Variants in CEP85L observed in about 807,000 individuals in gnomAD.
CEP85L encodes centrosomal protein 85L, also known as centrosomal protein of 85 kDa-like.
Under a neutral mutation model 100.3 loss-of-function variants are expected in CEP85L, and 60 were observed. The observed-to-expected ratio is 0.60, with a 90% CI of 0.49 to 0.74. CEP85L has a LOEUF of 0.74. Among genes scored for constraint, CEP85L ranks in the 30% least tolerant of loss-of-function variants. The pLI, the probability that CEP85L is intolerant of heterozygous loss-of-function variation, is 0.00. For synonymous variants in CEP85L, 319 were observed against 322.7 expected (o/e 0.99, Z 0.12); for missense variants, 973 against 936.2 (o/e 1.04, Z -0.51).
chr6:118,572,383 G>A lies in CEP85L; in HGVS notation c.233-6067C>T, dbSNP rs572582788. Among the ~76,000 whole-genome samples the A allele has an allele frequency of 4.4e-4, 66 of 150,528 alleles. 1 individual carries two copies. In the South Asian group the frequency reaches 0.013, roughly 29 times the overall value. On this transcript the variant is annotated intron_variant, in intron 2 of 12. Coordinates refer to ENST00000368491, the MANE Select transcript of CEP85L (RefSeq NM_001042475.3). Reference sequence around the variant, plus strand: ...ATCCTGGCCAACATCGTGAAACCCCGTCTCTACTTAGAAAAAAACAAAAAA... The same window carrying A: ...ATCCTGGCCAACATCGTGAAACCCCATCTCTACTTAGAAAAAAACAAAAAA...
intron 3 of CEP85L, among the ~76,000 whole-genome samples, chr6:118,538,912 G>A (rs1777752090): frequency 2.6e-5 from 4 of 151,126 alleles, no homozygotes; most frequent in Admixed American, 2.6e-4. Context: ...AATAAAAATG[G>A]AAAAAAAATT....
intron 1 of CEP85L, among the ~76,000 whole-genome samples, chr6:118,637,655 G>A (rs11756730): frequency 6.0e-4 from 75 of 125,014 alleles, no homozygotes; most frequent in East Asian, 3.6e-3. Context: ...GCAGTAAGCC[G>A]AGATCATGCC....
chr6:118,699,121 T>C (rs1171022707), intron 1 of CEP85L, among the ~76,000 whole-genome samples: 1 of 152,018 alleles, frequency 6.6e-6, no homozygotes, highest in Non-Finnish European at 1.5e-5. Flanking sequence ...ATTAAGTGCT[T>C]ATAAAATCAT....
intron 2 of CEP85L, among the ~76,000 whole-genome samples, chr6:118,602,731 T>A (rs1030049154): frequency 2.0e-5 from 3 of 152,210 alleles, no homozygotes; most frequent in Non-Finnish European, 2.9e-5. Flanking sequence ...ATTATTTGCA[T>A]AAAGTGCAGC....
At chr6:118,558,658 C>CAGAGAG (rs1210740872) in intron 3 of CEP85L, among the ~76,000 whole-genome samples, 7 of 124,984 alleles carry the variant, frequency 5.6e-5, no homozygotes, top group African/African-American at 1.3e-4. Flanking sequence ...CACACACACA[C>CAGAGAG]ACAGAGAGAG....
chr6:118,585,510 T>C (rs910637117), intron 2 of CEP85L, among the ~76,000 whole-genome samples: 6 of 152,020 alleles, frequency 3.9e-5, no homozygotes, highest in Non-Finnish European at 8.8e-5. Flanking sequence ...CTGGGAAGGC[T>C]CCATGAGAGA....
intron 3 of CEP85L, among the ~76,000 whole-genome samples, chr6:118,564,720 A>G (rs1249817909): frequency 6.6e-6 from 1 of 152,178 alleles, no homozygotes; most frequent in Non-Finnish European, 1.5e-5. Context: ...TTTTTACTCT[A>G]GGGAAAATTT....
intron 1 of CEP85L, among the ~76,000 whole-genome samples, chr6:118,637,684 T>A (rs1583207355): frequency 2.5e-5 from 1 of 39,304 alleles, no homozygotes; most frequent in African/African-American, 8.9e-5. Context: ...CCAGCCTGGG[T>A]AATAAAGCAA....
intron 2 of CEP85L, among the ~76,000 whole-genome samples, chr6:118,610,674 T>C (rs1772547057): frequency 6.6e-6 from 1 of 152,040 alleles, no homozygotes; most frequent in Admixed American, 6.6e-5. Context: ...GCCCCATAAC[T>C]TTCAACTACA....
intron 2 of CEP85L, among the ~76,000 whole-genome samples, chr6:118,585,124 GA>G (rs1780784377): frequency 6.6e-6 from 1 of 152,192 alleles, no homozygotes; most frequent in African/African-American, 2.4e-5. Context: ...TGACATCACT[GA>G]AAGTGTGTCA....
intron 8 of CEP85L, 138 bp downstream of exon 8, chr6:118,481,640 GT>G: frequency 2.1e-6 from 1 of 487,310 alleles, no homozygotes; most frequent in South Asian, 4.2e-5. Context: ...GTCACAGGCA[GT>G]TTGGATAAGG....
At chr6:118,697,414 C>G (rs370892714) in intron 1 of CEP85L, among the ~76,000 whole-genome samples, 1 of 152,290 alleles carries the variant, frequency 6.6e-6, no homozygotes. Context: ...TACTGTCCAT[C>G]AGCATTTCTC....
chr6:118,505,046 G>A (rs543162387), intron 5 of CEP85L, among the ~76,000 whole-genome samples: 2 of 152,148 alleles, frequency 1.3e-5, no homozygotes, highest in Non-Finnish European at 2.9e-5. Context: ...CTGTGCATGT[G>A]TGGGGATATG....
chr6:118,614,881 T>C (rs150446852), intron 2 of CEP85L, among the ~76,000 whole-genome samples: 10,350 of 124,222 alleles, frequency 0.083, 397 homozygotes, highest in Middle Eastern at 0.14. Flanking sequence ...GATAGATAGA[T>C]AGATAGATAG....
At chr6:118,575,262 G>GA (rs1780155580) in intron 2 of CEP85L, among the ~76,000 whole-genome samples, 1 of 152,014 alleles carries the variant, frequency 6.6e-6, no homozygotes, top group Non-Finnish European at 1.5e-5. Context: ...ATATTGGAGA[G>GA]AAAATGAAAG....
At position 118,566,331 on chromosome 6, in the gene CEP85L, G is replaced by T. The variant is rs370304800; in HGVS notation, c.233-15C>A. ...AGTTGAATGATCTGGAAAGAAAAAA[G>T]ATGGTCAAATTAGTTACAATTAACA... On this transcript the variant is annotated splice_polypyrimidine_tract_variant and intron_variant, in intron 2 of 12. Coordinates refer to ENST00000368491, the MANE Select transcript of CEP85L (RefSeq NM_001042475.3). 7.5e-6 allele frequency: 12 copies of T among 1,594,076 alleles called. No individual in the cohort carries two copies. In the African/African-American group the frequency reaches 1.5e-4, roughly 20 times the overall value.
Position 118,557,642 on chromosome 6 carries a change from CCTT to C in CEP85L, c.1020+7884_1020+7886del, listed in dbSNP as rs1190108567. Among the ~76,000 whole-genome samples the C allele has an allele frequency of 2.6e-5, 4 of 152,252 alleles. No homozygotes were observed. The East Asian group carries it at 7.7e-4, about 29-fold the overall frequency. ...TCCTATCCAAGGTGGGTTCCTCCCT[CCTT>C]GAGCTGCTGGGATTGGCTCCAGCCA... On this transcript the variant is annotated intron_variant, in intron 3 of 12. Coordinates refer to ENST00000368491, the MANE Select transcript of CEP85L (RefSeq NM_001042475.3).
chr6:118,577,737 C>G (rs1389508708), intron 2 of CEP85L, among the ~76,000 whole-genome samples: 2 of 152,104 alleles, frequency 1.3e-5, no homozygotes, highest in African/African-American at 2.4e-5. Context: ...CTTACAGAGC[C>G]TTAACACCCT....
At chr6:118,501,846 C>T (rs1775326212) in intron 5 of CEP85L, 8 of 1,299,228 alleles carry the variant, frequency 6.2e-6, no homozygotes, top group Non-Finnish European at 7.7e-6. Flanking sequence ...TCTGGAGATG[C>T]CGAAGCACAA....
Sources: allele counts gnomAD v4.1 joint callset (sites outside exome capture counted in the v4.1 genomes callset), GRCh38; gene constraint gnomAD v4.1.1; transcripts MANE v1.5; gene names NCBI Gene and HGNC (gene_info 2026-07-23, HGNC 2026-07-21).